ANO3: variants seen among roughly 807,000 people sequenced by gnomAD.
The protein encoded by ANO3 is anoctamin 3, also known as anoctamin-3.
ANO3 carries 99 observed loss-of-function variants against 144.8 expected under a neutral mutation model. The observed-to-expected ratio is 0.68, with a 90% CI of 0.58 to 0.81. The LOEUF is 0.81. Ranked by LOEUF, ANO3 falls within the 30% of genes least tolerant of loss-of-function variation. ANO3 has a pLI of 0.00. For missense variants in ANO3, 905 were observed against 1,202.2 expected (o/e 0.75, Z 3.66); for synonymous variants, 414 against 392.6 (o/e 1.05, Z -0.64).
At chr11:26,422,573 AG>A (rs1857784513) in intron 1 of ANO3, among the ~76,000 whole-genome samples, 1 of 152,052 alleles carries the variant, frequency 6.6e-6, no homozygotes, top group South Asian at 2.1e-4. Context: ...CATGTAAGAA[AG>A]GACACATTTC....
At chr11:26,387,855 C>T (rs2133958494) in intron 1 of ANO3, among the ~76,000 whole-genome samples, 1 of 152,168 alleles carries the variant, frequency 6.6e-6, no homozygotes, top group East Asian at 1.9e-4. Flanking sequence ...CACCTCAGCC[C>T]CTCCCCAGCT....
Position 26,442,099 on chromosome 11 carries a change from C to T in ANO3, c.228C>T (p.Asp76=). The T allele has an allele frequency of 6.2e-7, 1 of 1,611,702 alleles. No homozygotes were observed. Among genetic ancestry groups the T allele is most frequent in the Admixed American group, 1.7e-5 (1 of 59,456 alleles). Residue 76 remains aspartate, a synonymous_variant, in exon 2 of 27, where the codon GAC becomes GAT. Coordinates refer to ENST00000256737, the MANE Select transcript of ANO3 (RefSeq NM_031418.4). ...APTSITLIST[D]KAEQVNTEEN... ...CATCTATAACCTTAATCTCCACTGACAAAGCAGAGCAAGGTGAGCAGCAAT... is the reference window on the plus strand; with the variant it reads ...CATCTATAACCTTAATCTCCACTGATAAAGCAGAGCAAGGTGAGCAGCAAT...
At chr11:26,494,634 T>G (rs1860852087) in intron 4 of ANO3, among the ~76,000 whole-genome samples, 1 of 152,200 alleles carries the variant, frequency 6.6e-6, no homozygotes. Context: ...CTATAGGAAT[T>G]TCAAAGTGCT....
chr11:26,651,082 G>A (rs865899160), intron 24 of ANO3, among the ~76,000 whole-genome samples: 13 of 152,028 alleles, frequency 8.6e-5, no homozygotes, highest in African/African-American at 2.7e-4. Context: ...AAAATAAATG[G>A]TGATATTAAC....
intron 6 of ANO3, among the ~76,000 whole-genome samples, chr11:26,522,575 A>G (rs1206717710): frequency 6.6e-6 from 1 of 152,224 alleles, no homozygotes; most frequent in African/African-American, 2.4e-5. Flanking sequence ...ACCGTACATG[A>G]ACAGTAGGCA....
intron 14 of ANO3, chr11:26,566,967 C>T: frequency 8.4e-7 from 1 of 1,190,944 alleles, no homozygotes. Context: ...AGATGCTAAC[C>T]TCCATTTAAT....
intron 14 of ANO3, among the ~76,000 whole-genome samples, chr11:26,589,806 A>C (rs1851392030): frequency 6.6e-6 from 1 of 152,238 alleles, no homozygotes; most frequent in Non-Finnish European, 1.5e-5. Context: ...ACATCCGTGC[A>C]TCATTCCATG....
chr11:26,250,064 A>G (rs1852891873), intron 1 of ANO3, among the ~76,000 whole-genome samples: 1 of 152,208 alleles, frequency 6.6e-6, no homozygotes, highest in South Asian at 2.1e-4. Flanking sequence ...GGCTAGAACT[A>G]TTCTCATAGC....
intron 24 of ANO3, among the ~76,000 whole-genome samples, 184 bp from the exon 25 acceptor site, chr11:26,655,941 G>C (rs946598686): frequency 1.3e-5 from 2 of 152,082 alleles, no homozygotes; most frequent in Non-Finnish European, 2.9e-5. Flanking sequence ...GGCAGGGCAG[G>C]AATCTGTCTC....
chr11:26,554,346 T>G (rs11029614), intron 13 of ANO3, among the ~76,000 whole-genome samples: 90,530 of 151,874 alleles, frequency 0.6, 27,939 homozygotes, highest in East Asian at 0.81. Flanking sequence ...AATTTTGGAT[T>G]GTTTCAAATT....
chr11:26,518,779 T>C (rs1306038867), intron 6 of ANO3, among the ~76,000 whole-genome samples: 1 of 151,942 alleles, frequency 6.6e-6, no homozygotes, highest in Non-Finnish European at 1.5e-5. Flanking sequence ...AAATAAAATA[T>C]ATAGCATATA....
chr11:26,248,269 C>T (rs929772161), intron 1 of ANO3, among the ~76,000 whole-genome samples: 2 of 151,874 alleles, frequency 1.3e-5, no homozygotes, highest in Admixed American at 6.6e-5. Context: ...ACCCGGGAGG[C>T]GGAGGTCGTG....
At chr11:26,215,434 T>A (rs1852017483) in intron 1 of ANO3, among the ~76,000 whole-genome samples, 1 of 152,038 alleles carries the variant, frequency 6.6e-6, no homozygotes, top group Non-Finnish European at 1.5e-5. Flanking sequence ...CCCTTTGAAC[T>A]GCCACTATCA....
At chr11:26,465,701 C>T (rs1020421087) in intron 4 of ANO3, among the ~76,000 whole-genome samples, 10 of 151,772 alleles carry the variant, frequency 6.6e-5, no homozygotes, top group Admixed American at 1.3e-4. Flanking sequence ...AGTTATGAAA[C>T]GTAAAAACAA....
chr11:26,562,929 C>T, intron 14 of ANO3: 2 of 733,608 alleles, frequency 2.7e-6, no homozygotes, highest in Non-Finnish European at 3.9e-6. Context: ...TTTTAAATTT[C>T]AGTCACAGGT....
chr11:26,344,461 G>C (rs1237272747), intron 1 of ANO3, among the ~76,000 whole-genome samples: 1 of 151,494 alleles, frequency 6.6e-6, no homozygotes, highest in Admixed American at 6.6e-5. Flanking sequence ...TGCCTCCCGG[G>C]TTCACGTCAT....
intron 1 of ANO3, among the ~76,000 whole-genome samples, chr11:26,262,295 G>C (rs12226854): frequency 0.02 from 3,049 of 152,150 alleles, 62 homozygotes; most frequent in East Asian, 0.12. Context: ...CTACCATCCT[G>C]TCAATACTCT....
intron 14 of ANO3, chr11:26,565,731 T>G: frequency 1.2e-6 from 2 of 1,613,358 alleles, no homozygotes; most frequent in Non-Finnish European, 1.7e-6. Flanking sequence ...AGGTTTATTT[T>G]CCATTGTTTT....
intron 1 of ANO3, among the ~76,000 whole-genome samples, chr11:26,274,189 AT>A (rs1853509136): frequency 6.6e-6 from 1 of 152,146 alleles, no homozygotes; most frequent in Non-Finnish European, 1.5e-5. Context: ...ATAAGTGAAT[AT>A]TTTTTAACAA....
Sources: allele counts gnomAD v4.1 joint callset (sites outside exome capture counted in the v4.1 genomes callset), GRCh38; gene constraint gnomAD v4.1.1; transcripts MANE v1.5; gene names NCBI Gene and HGNC (gene_info 2026-07-23, HGNC 2026-07-21).